TENM4: variants seen among roughly 807,000 people sequenced by gnomAD.
TENM4 encodes teneurin transmembrane protein 4.
A neutral mutation model predicts 243.3 loss-of-function variants in TENM4; 82 were observed. That is an observed-to-expected ratio of 0.34 (90% CI 0.28 to 0.40). The LOEUF (loss-of-function observed/expected upper bound fraction) is 0.40, where lower values mean the gene tolerates loss of function less well. Among genes scored for constraint, TENM4 ranks in the 10% least tolerant of loss-of-function variants. The pLI, the probability that TENM4 is intolerant of heterozygous loss-of-function variation, is 1.00. For missense variants in TENM4, 3,138 were observed against 3,673.3 expected (o/e 0.85, Z 3.77); for synonymous variants, 1,412 against 1,456.3 (o/e 0.97, Z 0.69).
intron 4 of TENM4, among the ~76,000 whole-genome samples, chr11:79,074,071 A>G (rs993874280): frequency 6.6e-6 from 1 of 152,230 alleles, no homozygotes; most frequent in African/African-American, 2.4e-5. Context: ...TTAAGAACAT[A>G]CACACCTAAC....
rs144878653 is a variant in TENM4 at position 78,792,099 on chromosome 11, T to C, written c.2180-5016A>G. On this transcript the variant is annotated intron_variant, in intron 15 of 33. Coordinates refer to ENST00000278550, the MANE Select transcript of TENM4 (RefSeq NM_001098816.3). ...CCCCTCTAGGATGAGTGGTGACAAC[T>C]GAAGAAAATAGTTTATATGAAAAGC... Among the ~76,000 whole-genome samples, 453 of 152,298 alleles carry C rather than the reference T, an allele frequency of 3.0e-3. 3 individuals carry two copies. Among genetic ancestry groups the C allele is most frequent in the African/African-American group, 0.01 (429 of 41,568 alleles).
chr11:78,805,535 G>A, intron 14 of TENM4, 43 bp from the exon 15 acceptor site: 1 of 1,544,834 alleles, frequency 6.5e-7, no homozygotes, highest in Non-Finnish European at 8.7e-7. Flanking sequence ...CATCTGACCA[G>A]CAAAGGTGAG....
At chr11:79,207,711 CAAAA>C (rs1863876902) in intron 3 of TENM4, among the ~76,000 whole-genome samples, 1 of 151,578 alleles carries the variant, frequency 6.6e-6, no homozygotes. Flanking sequence ...CAGAAAAATA[CAAAA>C]ATTAGCCAGG....
chr11:79,100,164 C>A (rs945114269), intron 4 of TENM4, among the ~76,000 whole-genome samples: 4 of 152,194 alleles, frequency 2.6e-5, no homozygotes, highest in Middle Eastern at 3.2e-3. Context: ...CCGTAAACAT[C>A]AAATGCTATA....
intron 1 of TENM4, among the ~76,000 whole-genome samples, chr11:79,330,655 G>A (rs369888447): frequency 2.0e-5 from 3 of 152,178 alleles, no homozygotes; most frequent in African/African-American, 7.2e-5. Context: ...CAGCAGAGTC[G>A]AGAGCTATGT....
chr11:78,821,363 G>C (rs1277222623), intron 12 of TENM4, among the ~76,000 whole-genome samples: 2 of 152,126 alleles, frequency 1.3e-5, no homozygotes, highest in East Asian at 3.8e-4. Flanking sequence ...TTATTGTATT[G>C]ATAAACAAAG....
chr11:79,081,843 G>C (rs868412432), intron 4 of TENM4, among the ~76,000 whole-genome samples: 1 of 152,034 alleles, frequency 6.6e-6, no homozygotes, highest in Non-Finnish European at 1.5e-5. Context: ...TATGACTCAG[G>C]CCGTCCCTCA....
chr11:78,709,365 T>C (rs745425719), intron 26 of TENM4, among the ~76,000 whole-genome samples: 2 of 152,122 alleles, frequency 1.3e-5, no homozygotes, highest in Non-Finnish European at 2.9e-5. Flanking sequence ...GAGAATATTG[T>C]TGAATTGAAT....
rs905484111 is a variant in TENM4, at chr11:78,657,442, A to G, written c.*616T>C. On this transcript the variant is annotated 3_prime_UTR_variant, in exon 34 of 34. Coordinates refer to ENST00000278550, the MANE Select transcript of TENM4 (RefSeq NM_001098816.3). ...TTGGGGCAGCTTAAAAAAGGTGCTG[A>G]ACAACACCATGAAATTCCCTGGAGC... 1.7e-4 allele frequency: 62 copies of G among 368,708 alleles called. No individual in the cohort carries two copies. The highest frequency in any genetic ancestry group is 2.7e-4 in the Non-Finnish European group (55 of 207,510). 22.8% of individuals were successfully genotyped at this position (368,708 alleles called of 1,614,324 possible). A position where few individuals can be genotyped will look rare whatever the true frequency, so the allele number is the denominator to read the frequency against.
intron 6 of TENM4, among the ~76,000 whole-genome samples, chr11:78,992,167 C>T (rs1858062450): frequency 6.6e-6 from 1 of 152,224 alleles, no homozygotes; most frequent in African/African-American, 2.4e-5. Context: ...CCTGCTGGTG[C>T]ACAGCAAAGG....
At chr11:79,408,224 T>C (rs1165874609) in intron 1 of TENM4, among the ~76,000 whole-genome samples, 1 of 152,226 alleles carries the variant, frequency 6.6e-6, no homozygotes, top group African/African-American at 2.4e-5. Flanking sequence ...CCCAGCCATC[T>C]TTCCTTTTCT....
chr11:79,429,541 T>C lies in TENM4; in HGVS notation c.-321+10968A>G, dbSNP rs930755422. ...AACAACCCTTGGAGGTAGACACTTC[T>C]ATTTTCTATTTTCTAACTGAAAAAA... is the stretch of plus-strand genomic sequence containing the variant. On this transcript the variant is annotated intron_variant, in intron 1 of 33. Coordinates refer to ENST00000278550, the MANE Select transcript of TENM4 (RefSeq NM_001098816.3). 2.6e-5 allele frequency among the ~76,000 whole-genome samples: 4 copies of C among 151,464 alleles called. No individual in the cohort carries two copies. In the East Asian group the frequency reaches 7.8e-4, roughly 30 times the overall value.
chr11:79,072,200 T>C (rs1176032350), intron 4 of TENM4, among the ~76,000 whole-genome samples: 1 of 152,144 alleles, frequency 6.6e-6, no homozygotes, highest in Non-Finnish European at 1.5e-5. Context: ...AAAAACATAT[T>C]ATGGCCAGGC....
chr11:79,324,080 A>T (rs976259050), intron 1 of TENM4, among the ~76,000 whole-genome samples: 1 of 152,130 alleles, frequency 6.6e-6, no homozygotes, highest in African/African-American at 2.4e-5. Flanking sequence ...ACCTACACAC[A>T]TCTTCCTGTA....
At chr11:78,920,268 A>G (rs1298132900) in intron 6 of TENM4, among the ~76,000 whole-genome samples, 2 of 152,228 alleles carry the variant, frequency 1.3e-5, no homozygotes, top group Admixed American at 1.3e-4. Flanking sequence ...TCAGGCACAG[A>G]GGGCACAATG....
intron 2 of TENM4, among the ~76,000 whole-genome samples, chr11:79,240,209 A>G (rs549966367): frequency 4.6e-5 from 7 of 152,264 alleles, no homozygotes; most frequent in Admixed American, 4.6e-4. Flanking sequence ...GGACTGAATG[A>G]CTGCTGCCCA....
chr11:79,338,635 A>C (rs1857191794), intron 1 of TENM4, among the ~76,000 whole-genome samples: 1 of 152,252 alleles, frequency 6.6e-6, no homozygotes. Flanking sequence ...GAAGCTCCCC[A>C]AACTATCCTA....
chr11:79,433,538 G>A (rs965635087), intron 1 of TENM4, among the ~76,000 whole-genome samples: 1 of 152,186 alleles, frequency 6.6e-6, no homozygotes, highest in Non-Finnish European at 1.5e-5. Context: ...TCATCCCACA[G>A]CGAGAAAAAT....
intron 3 of TENM4, among the ~76,000 whole-genome samples, chr11:79,186,598 GA>G (rs1455735070): frequency 6.6e-6 from 1 of 152,226 alleles, no homozygotes; most frequent in East Asian, 1.9e-4. Context: ...GAGAAAAGCA[GA>G]GGGTGGTGCG....
Sources: allele counts gnomAD v4.1 joint callset (sites outside exome capture counted in the v4.1 genomes callset), GRCh38; gene constraint gnomAD v4.1.1; transcripts MANE v1.5; gene names NCBI Gene and HGNC (gene_info 2026-07-23, HGNC 2026-07-21).